KAZN: variants seen among roughly 807,000 people sequenced by gnomAD.
KAZN encodes kazrin, periplakin interacting protein, also known as kazrin.
In KAZN, 40 loss-of-function variants were observed where a neutral mutation model predicts 87.4. That is an observed-to-expected ratio of 0.46 (90% confidence interval 0.36 to 0.60). The LOEUF (loss-of-function observed/expected upper bound fraction) is 0.60. KAZN is among the 20% of genes least tolerant of loss of function. KAZN has a pLI of 0.00. For synonymous variants in KAZN, 466 were observed against 458.3 expected, an observed-to-expected ratio of 1.02 and a Z score of -0.22; for missense variants, 898 against 1,073.9, an observed-to-expected ratio of 0.84 and a Z score of 2.29.
intron 2 of KAZN, among the ~76,000 whole-genome samples, chr1:14,350,324 A>G (rs952214311): frequency 1.3e-5 from 2 of 152,152 alleles, no homozygotes; most frequent in Non-Finnish European, 2.9e-5. Context: ...TCTGAGTTTT[A>G]TAAACAATGA....
intron 1 of KAZN, among the ~76,000 whole-genome samples, chr1:14,133,374 AAAAAAAGAAAGAAAGAAAGAAAGAAAG>A (rs1339085599): frequency 3.7e-5 from 3 of 80,350 alleles, no homozygotes; most frequent in African/African-American, 1.9e-4. Flanking sequence ...TCAAAAAAAA[AAAAAAAGAAAGAAAGAAAGAAAGAAAG>A]AAAGAAAGAA....
chr1:14,916,087 C>A (rs1657781781), intron 1 of KAZN, among the ~76,000 whole-genome samples: 1 of 150,870 alleles, frequency 6.6e-6, no homozygotes, highest in African/African-American at 2.4e-5. Context: ...TATTTAAATT[C>A]TTAGAACACT....
chr1:14,872,648 T>G (rs1206636842), intron 1 of KAZN, among the ~76,000 whole-genome samples: 1 of 152,222 alleles, frequency 6.6e-6, no homozygotes, highest in Non-Finnish European at 1.5e-5. Context: ...AAAATGGTCT[T>G]ATTTCTGGAC....
At chr1:14,929,946 G>A in intron 1 of KAZN, 6 of 985,424 alleles carry the variant, frequency 6.1e-6, no homozygotes, top group Non-Finnish European at 7.2e-6. Context: ...GATATCAATT[G>A]TGGCAATTCC....
At chr1:14,498,721 GA>G (rs925765199) in intron 2 of KAZN, among the ~76,000 whole-genome samples, 4 of 151,710 alleles carry the variant, frequency 2.6e-5, no homozygotes, top group African/African-American at 2.4e-5. Context: ...AAAGGAAAAA[GA>G]AAAAAAATGG....
intron 1 of KAZN, among the ~76,000 whole-genome samples, chr1:14,103,240 C>T (rs1473533046): frequency 6.6e-6 from 1 of 152,094 alleles, no homozygotes; most frequent in Non-Finnish European, 1.5e-5. Flanking sequence ...TGTGAGGACA[C>T]CAGTCTTGTT....
At chr1:13,922,367 A>G (rs1316995104) in intron 1 of KAZN, among the ~76,000 whole-genome samples, 1 of 152,178 alleles carries the variant, frequency 6.6e-6, no homozygotes, top group Admixed American at 6.5e-5. Context: ...CTAACATAGC[A>G]CTTCATGAGT....
At chr1:14,536,133 A>C (rs1283862569) in intron 2 of KAZN, among the ~76,000 whole-genome samples, 1 of 152,222 alleles carries the variant, frequency 6.6e-6, no homozygotes, top group Admixed American at 6.5e-5. Flanking sequence ...CAATCCGGGC[A>C]TGAGTCACAA....
chr1:14,881,326 G>A (rs1031788237), intron 1 of KAZN, among the ~76,000 whole-genome samples: 1 of 152,210 alleles, frequency 6.6e-6, no homozygotes, highest in Non-Finnish European at 1.5e-5. Flanking sequence ...ACTGGTAGGT[G>A]CAGAAACAGG....
chr1:14,798,694 A>G (rs953952137), intron 1 of KAZN, among the ~76,000 whole-genome samples: 17 of 151,840 alleles, frequency 1.1e-4, no homozygotes, highest in African/African-American at 4.1e-4. Flanking sequence ...TCAGCCTCCC[A>G]GAGTGCTGGG....
intron 2 of KAZN, among the ~76,000 whole-genome samples, chr1:14,428,759 AACTC>A (rs201513455): frequency 0.022 from 3,285 of 152,166 alleles, 51 homozygotes; most frequent in Middle Eastern, 0.037. Flanking sequence ...ATTTTGTGAG[AACTC>A]ACTCACTATC....
At chr1:14,979,658 C>T (rs1043750861) in intron 2 of KAZN, among the ~76,000 whole-genome samples, 2 of 151,914 alleles carry the variant, frequency 1.3e-5, no homozygotes, top group South Asian at 2.1e-4. Flanking sequence ...TGGGTAAGCT[C>T]AGGGGAAGGG....
chr1:14,663,874 C>T (rs1293973668), intron 1 of KAZN, among the ~76,000 whole-genome samples: 1 of 152,200 alleles, frequency 6.6e-6, no homozygotes, highest in Non-Finnish European at 1.5e-5. Flanking sequence ...ACACCAACTT[C>T]ATACTAGTGT....
intron 1 of KAZN, among the ~76,000 whole-genome samples, chr1:13,944,745 G>T (rs1489476296): frequency 6.6e-6 from 1 of 152,060 alleles, no homozygotes; most frequent in East Asian, 1.9e-4. Flanking sequence ...TAATTAAAAA[G>T]CTACTAGAGG....
At position 14,613,619 on chromosome 1, in the gene KAZN, T is replaced by A. The variant is rs112066342; in HGVS notation, c.226+14396T>A. Among the ~76,000 whole-genome samples the A allele has an allele frequency of 1.8e-3, 279 of 152,342 alleles. 2 individuals carry two copies. The highest frequency in any genetic ancestry group is 6.4e-3 in the African/African-American group (265 of 41,578). ...TGAATTCAGTAGCTTTGTCAAATGGTTACAGCTTCGGTATTGCATATATTT... is the reference window on the plus strand; with the variant it reads ...TGAATTCAGTAGCTTTGTCAAATGGATACAGCTTCGGTATTGCATATATTT... On this transcript the variant is annotated intron_variant, in intron 1 of 14. Coordinates refer to ENST00000376030, the MANE Select transcript of KAZN (RefSeq NM_201628.3).
At chr1:14,005,426 T>A (rs1639994644) in intron 1 of KAZN, among the ~76,000 whole-genome samples, 1 of 152,104 alleles carries the variant, frequency 6.6e-6, no homozygotes. Context: ...GTAGAAAGTG[T>A]CTCCCTCTCC....
intron 1 of KAZN, among the ~76,000 whole-genome samples, chr1:14,123,505 G>A (rs1644795265): frequency 1.3e-5 from 2 of 152,196 alleles, no homozygotes; most frequent in African/African-American, 2.4e-5. Flanking sequence ...CAGGTGTGTA[G>A]TCAAATGAAT....
At chr1:14,252,456 C>T (rs2100617809) in intron 2 of KAZN, among the ~76,000 whole-genome samples, 1 of 152,254 alleles carries the variant, frequency 6.6e-6, no homozygotes, top group Non-Finnish European at 1.5e-5. Context: ...CACTGGCTTC[C>T]TGTCTGTTTC....
chr1:14,387,438 G>C (rs1354136151), intron 2 of KAZN, among the ~76,000 whole-genome samples: 1 of 152,116 alleles, frequency 6.6e-6, no homozygotes, highest in Non-Finnish European at 1.5e-5. Context: ...CCCAATCTTT[G>C]TGGTTTTATC....
Sources: allele counts gnomAD v4.1 joint callset (sites outside exome capture counted in the v4.1 genomes callset), GRCh38; gene constraint gnomAD v4.1.1; transcripts MANE v1.5; gene names NCBI Gene and HGNC (gene_info 2026-07-23, HGNC 2026-07-21).